SSUH2: variants seen among roughly 807,000 people sequenced by gnomAD.
SSUH2 encodes the protein ssu-2 homolog.
A neutral mutation model predicts 55.3 loss-of-function variants in SSUH2; 47 were observed. That is an observed-to-expected ratio of 0.85 (90% CI 0.67 to 1.08). The LOEUF (loss-of-function observed/expected upper bound fraction) is 1.08. Ranked by LOEUF, SSUH2 falls within the 50% of genes least tolerant of loss-of-function variation. The pLI is 0.00. For synonymous variants in SSUH2, 212 were observed against 191.5 expected (o/e 1.11, Z -0.89); for missense variants, 535 against 490.7 (o/e 1.09, Z -0.85).
Position 8,619,533 on chromosome 3 carries a change from C to A in SSUH2, c.*335G>T, listed in dbSNP as rs570532982. 2.3e-4 allele frequency: 55 copies of A among 234,484 alleles called. No homozygotes were observed. The South Asian group carries it at 5.5e-3, about 24-fold the overall frequency. The allele number at this position is 234,484 out of a possible 1,614,324, so 14.5% of individuals were successfully genotyped here. On this transcript the variant is annotated 3_prime_UTR_variant, in exon 12 of 12. Transcript: ENST00000544814. The stretch of plus-strand genomic sequence containing the variant: ...AGAAGCACACCAGAACCAAGACCGA[C>A]AAAGGGAAAAAGCAAAATCAAATCA...
chr3:8,658,870 A>C (rs201092506), intron 7 of SSUH2: 2 of 60,506 alleles, frequency 3.3e-5, no homozygotes, highest in African/African-American at 9.4e-5. Flanking sequence ...AAAACAAAAC[A>C]TAATAAAGGC....
At chr3:8,677,126 A>G (rs1705458763) in intron 3 of SSUH2, 1 of 150,778 alleles carries the variant, frequency 6.6e-6, no homozygotes, top group Admixed American at 6.6e-5. Flanking sequence ...ACCCCCCGCG[A>G]GGCAGGGACT....
intron 7 of SSUH2, among the ~76,000 whole-genome samples, chr3:8,657,482 C>T (rs1277574363): frequency 3.5e-5 from 5 of 144,290 alleles, no homozygotes; most frequent in Admixed American, 3.4e-4. Flanking sequence ...CACTGACAGG[C>T]CACCCTCCAT....
intron 11 of SSUH2, 54 bp from the exon 12 acceptor site, chr3:8,620,068 C>T: frequency 6.3e-7 from 1 of 1,595,382 alleles, no homozygotes; most frequent in Middle Eastern, 1.7e-4. Context: ...AGTCACTCAC[C>T]TGCTCAGGAA....
upstream of SSUH2, chr3:8,644,825 AC>A: frequency 7.1e-7 from 1 of 1,403,258 alleles, no homozygotes; most frequent in Non-Finnish European, 9.7e-7. Context: ...GCTCTGATGG[AC>A]CACCCTCAGG....
At chr3:8,651,537 G>A (rs1019970587) in intron 7 of SSUH2, among the ~76,000 whole-genome samples, 1 of 152,060 alleles carries the variant, frequency 6.6e-6, no homozygotes, top group Non-Finnish European at 1.5e-5. Context: ...GACTCCTGGG[G>A]CCACACAAAA....
At chr3:8,632,438 T>C (rs1362250164) in intron 4 of SSUH2, among the ~76,000 whole-genome samples, 3 of 152,352 alleles carry the variant, frequency 2.0e-5, no homozygotes, top group South Asian at 2.1e-4. Flanking sequence ...CTGGAATCTA[T>C]GGCTTTGAGA....
At chr3:8,669,211 G>C (rs1214192411) in intron 5 of SSUH2, among the ~76,000 whole-genome samples, 1 of 152,162 alleles carries the variant, frequency 6.6e-6, no homozygotes, top group African/African-American at 2.4e-5. Flanking sequence ...TCATGTAAAA[G>C]GACACAGGAG....
intron 5 of SSUH2, among the ~76,000 whole-genome samples, chr3:8,668,641 A>G (rs1031378964): frequency 6.6e-6 from 1 of 152,178 alleles, no homozygotes; most frequent in Non-Finnish European, 1.5e-5. Flanking sequence ...ATTTTCCTTT[A>G]TTAGGGATGA....
intron 5 of SSUH2, among the ~76,000 whole-genome samples, chr3:8,668,351 T>C (rs531883513): frequency 2.8e-4 from 42 of 152,374 alleles, no homozygotes; most frequent in Non-Finnish European, 5.4e-4. Context: ...TAGGCTGAGA[T>C]GCTCTTATGG....
At chr3:8,632,198 G>T in intron 4 of SSUH2, 89 bp from the exon 5 acceptor site, 1 of 1,107,640 alleles carries the variant, frequency 9.0e-7, no homozygotes, top group Non-Finnish European at 1.4e-6. Context: ...CCCTCCCAGG[G>T]CTCAGTGGGG....
upstream of SSUH2, chr3:8,644,805 G>A: frequency 6.6e-7 from 1 of 1,525,660 alleles, no homozygotes; most frequent in South Asian, 1.2e-5. Flanking sequence ...GAGTGTGCTT[G>A]GACCGATGTG....
rs996006824 is a variant in SSUH2 at position 8,619,780 on chromosome 3, A to G, written c.*88T>C. Reference sequence around the variant, plus strand: ...GCCAGGGTTTGTATGTGATTGTCCAATGCAGCCAACAGTGAACACACTCAG... The same window carrying G: ...GCCAGGGTTTGTATGTGATTGTCCAGTGCAGCCAACAGTGAACACACTCAG... On this transcript the variant is annotated 3_prime_UTR_variant, in exon 12 of 12. Coordinates refer to ENST00000544814, the MANE Select transcript of SSUH2 (RefSeq NM_001256748.3). 7.4e-6 allele frequency: 11 copies of G among 1,487,890 alleles called. No individual in the cohort carries two copies. In the African/African-American group the frequency reaches 9.7e-5, roughly 13 times the overall value. 92.2% of individuals were successfully genotyped at this position (1,487,890 alleles called of 1,614,324 possible).
At chr3:8,676,202 G>A (rs779515894) in intron 3 of SSUH2, among the ~76,000 whole-genome samples, 3 of 151,904 alleles carry the variant, frequency 2.0e-5, no homozygotes, top group Non-Finnish European at 2.9e-5. Flanking sequence ...TTTCACAGAC[G>A]GGTGTACACA....
chr3:8,678,626 CTT>C lies in SSUH2; in HGVS notation c.-901+1077_-901+1078del, dbSNP rs56299715. ...AGAGCCAGCCCTTCTTCCCCCCCGG[CTT>C]TTGGGACCCCCATCGCAGTGGGGGG... On this transcript the variant is annotated intron_variant, in intron 2 of 18. Transcript: ENST00000317371. 1.2e-3 allele frequency among the ~76,000 whole-genome samples: 73 copies of C among 59,014 alleles called. 4 individuals carry two copies. The highest frequency in any genetic ancestry group is 0.029 in the Middle Eastern group (2 of 68). 38.7% of individuals were successfully genotyped at this position (59,014 alleles called of 152,430 possible). A position where few individuals can be genotyped will look rare whatever the true frequency, so the allele number is the denominator to read the frequency against.
At chr3:8,668,675 C>T (rs567581094) in intron 5 of SSUH2, among the ~76,000 whole-genome samples, 1 of 152,098 alleles carries the variant, frequency 6.6e-6, no homozygotes, top group East Asian at 1.9e-4. Context: ...ATCTTTTCAG[C>T]CTTTCACTGA....
intron 3 of SSUH2, among the ~76,000 whole-genome samples, chr3:8,676,362 A>G (rs1292898739): frequency 4.0e-5 from 6 of 151,818 alleles, no homozygotes; most frequent in African/African-American, 4.8e-5. Context: ...ATTAGAAACA[A>G]TATCAGTGGG....
chr3:8,652,310 C>T (rs1308554208), intron 7 of SSUH2, among the ~76,000 whole-genome samples: 1 of 152,206 alleles, frequency 6.6e-6, no homozygotes, highest in Non-Finnish European at 1.5e-5. Context: ...GCTCTGTGAT[C>T]AGGAGTAGCC....
chr3:8,658,676 G>A lies in SSUH2; in HGVS notation c.-307+249C>T, dbSNP rs75436865. On this transcript the variant is annotated intron_variant, in intron 7 of 18. Transcript: ENST00000317371. The stretch of plus-strand genomic sequence containing the variant: ...AAACAAGCCCCCGCCAGGCCCCAGC[G>A]TCAAGCCTCCAGATAGCAGTATTAA... 2.1e-3 allele frequency among the ~76,000 whole-genome samples: 315 copies of A among 152,272 alleles called. 7 individuals carry two copies. In the East Asian group the frequency reaches 0.05, roughly 24 times the overall value.
Sources: allele counts gnomAD v4.1 joint callset (sites outside exome capture counted in the v4.1 genomes callset), GRCh38; gene constraint gnomAD v4.1.1; transcripts MANE v1.5; gene names NCBI Gene and HGNC (gene_info 2026-07-23, HGNC 2026-07-21).